Variants in NUGGC observed in about 807,000 individuals in gnomAD.
NUGGC encodes nuclear GTPase, germinal center associated.
NUGGC carries 58 observed loss-of-function variants against 92.6 expected under a neutral mutation model. That is an observed-to-expected ratio of 0.63 (90% CI 0.51 to 0.78). NUGGC has a LOEUF of 0.78. Among genes scored for constraint, NUGGC ranks in the 30% least tolerant of loss-of-function variants. NUGGC has a pLI of 0.00. For synonymous variants in NUGGC, 376 were observed against 366.4 expected (o/e 1.03, Z -0.30); for missense variants, 925 against 964.6 (o/e 0.96, Z 0.54).
chr8:28,076,324 A>C (rs551692206), intron 1 of NUGGC, among the ~76,000 whole-genome samples: 2 of 152,342 alleles, frequency 1.3e-5, no homozygotes, highest in Admixed American at 1.3e-4. Context: ...CTTGTGACAG[A>C]GTCTTGCTCT....
At chr8:28,026,329 C>A (rs1193401222) in intron 18 of NUGGC, among the ~76,000 whole-genome samples, 2 of 152,186 alleles carry the variant, frequency 1.3e-5, no homozygotes, top group Non-Finnish European at 2.9e-5. Flanking sequence ...CTAGAAATTA[C>A]TTAATTGCTG....
intron 1 of NUGGC, among the ~76,000 whole-genome samples, chr8:28,082,744 A>AT (rs913539156): frequency 2.4e-4 from 36 of 150,376 alleles, no homozygotes; most frequent in East Asian, 7.8e-4. Flanking sequence ...CATCTCTACA[A>AT]TTTTTTTTTT....
Position 28,078,392 on chromosome 8 carries a change from G to T in NUGGC, c.-46-3936C>A, listed in dbSNP as rs540487778. On this transcript the variant is annotated intron_variant, in intron 1 of 18. Coordinates refer to ENST00000413272, the MANE Select transcript of NUGGC (RefSeq NM_001010906.2). ...TAAAAAGGAAAAGCGATAAACAAAT[G>T]GGGGTAGTTTGGTACAGACATTCAG... Among the ~76,000 whole-genome samples the T allele has an allele frequency of 3.9e-5, 6 of 152,292 alleles. No individual in the cohort carries two copies. In the East Asian group the frequency reaches 1.2e-3, roughly 29 times the overall value.
chr8:28,050,349 C>T (rs1315361805), intron 10 of NUGGC, among the ~76,000 whole-genome samples: 1 of 149,726 alleles, frequency 6.7e-6, no homozygotes, highest in Non-Finnish European at 1.5e-5. Flanking sequence ...CGTGCCATTA[C>T]ATTCCAGCCT....
chr8:28,025,860 T>C (rs1295034666), intron 18 of NUGGC, among the ~76,000 whole-genome samples: 1 of 152,154 alleles, frequency 6.6e-6, no homozygotes, highest in Non-Finnish European at 1.5e-5. Flanking sequence ...GCACAAAATA[T>C]ACAGGGTGCA....
At position 28,068,312 on chromosome 8, in the gene NUGGC, T is replaced by C. The variant is rs1810498058; in HGVS notation, c.384A>G (p.Pro128=). 1.3e-6 allele frequency: 2 copies of C among 1,556,334 alleles called. No homozygotes were observed. Among genetic ancestry groups the C allele is most frequent in the East Asian group, 2.4e-5 (1 of 41,578 alleles). ...AAGTACATATGCTTTCTCCAGACACTGGTAGAAACATTGCTTGCTGGATGA... is the reference window on the plus strand; with the variant it reads ...AAGTACATATGCTTTCTCCAGACACCGGTAGAAACATTGCTTGCTGGATGA... ...NAIIQQAMFL[P]VSGESICTSC... The change falls in exon 5 of 19, where the codon CCA becomes CCG. Residue 128 remains proline (P), a synonymous_variant. Coordinates refer to ENST00000413272, the MANE Select transcript of NUGGC (RefSeq NM_001010906.2).
chr8:28,046,008 C>G (rs1420212239), intron 11 of NUGGC, among the ~76,000 whole-genome samples: 3 of 152,168 alleles, frequency 2.0e-5, no homozygotes, highest in African/African-American at 7.2e-5. Context: ...AGTCCCAGCC[C>G]TTCAGTCCCC....
intron 10 of NUGGC, among the ~76,000 whole-genome samples, chr8:28,048,079 GT>G (rs1809886689): frequency 6.6e-6 from 1 of 152,180 alleles, no homozygotes; most frequent in South Asian, 2.1e-4. Context: ...TGTTGGGACT[GT>G]TTCAGTCCTG....
At chr8:28,077,903 C>T (rs1454059403) in intron 1 of NUGGC, among the ~76,000 whole-genome samples, 1 of 152,130 alleles carries the variant, frequency 6.6e-6, no homozygotes, top group African/African-American at 2.4e-5. Flanking sequence ...TTAAAGGGCA[C>T]AAAATCAAAG....
intron 16 of NUGGC, among the ~76,000 whole-genome samples, 186 bp downstream of exon 16, chr8:28,030,124 T>A (rs1002684208): frequency 2.6e-5 from 4 of 152,176 alleles, no homozygotes; most frequent in African/African-American, 9.7e-5. Context: ...CAGAAAGAGC[T>A]GGAAAACACA....
Position 28,068,338 on chromosome 8 carries a change from T to C in NUGGC, c.358A>G (p.Ile120Val), listed in dbSNP as rs776725581. The C allele has an allele frequency of 6.4e-6, 10 of 1,569,494 alleles. No homozygotes were observed. The highest frequency in any genetic ancestry group is 1.2e-5 in the South Asian group (1 of 85,048). ...GAGKSSLINA[I>V]IQQAMFLPVS... ...GGTAGAAACATTGCTTGCTGGATGATGGCATTGATCAGGGAGCTCTTCCCA... is the reference window on the plus strand; with the variant it reads ...GGTAGAAACATTGCTTGCTGGATGACGGCATTGATCAGGGAGCTCTTCCCA... The change falls in exon 5 of 19, where the codon ATC becomes GTC. Residue 120 changes from isoleucine (I) to valine (V), a missense_variant. Physicochemically the swap from Ile to Val is conservative, Grantham distance 29 (BLOSUM62 3). Transcript: ENST00000413272.
In NUGGC at chr8:28,058,291, G is replaced by GA; in HGVS notation, c.1098-16dup. ...CCTTTCTTTCCCTGAAATGAAATTA[G>GA]AAAAATGTAACAATTACTTAATTTT... On this transcript the variant is annotated splice_polypyrimidine_tract_variant and intron_variant, in intron 8 of 18. Transcript: ENST00000413272. The GA allele has an allele frequency of 1.9e-6, 1 of 520,168 alleles. No homozygotes were observed. The highest frequency in any genetic ancestry group is 3.0e-6 in the Non-Finnish European group (1 of 334,212). The allele number at this position is 520,168 out of a possible 1,614,324, so 32.2% of individuals were successfully genotyped here. A position where few individuals can be genotyped will look rare whatever the true frequency, so the allele number is the denominator to read the frequency against.
Position 28,029,333 on chromosome 8 carries a change from C to T in NUGGC, c.2087G>A (p.Arg696Gln), listed in dbSNP as rs377099582. ...TTCAAACATGCCCTCAGCCACCTGC[C>T]GGTCCACTCCTCTTCTGATGGCATC... is the stretch of plus-strand genomic sequence containing the variant. ...MKDAIRRGVD[R>Q]QVAEGMFERA... The change falls in exon 17 of 19, where the codon CGG (arginine) becomes CAG (glutamine). Residue 696 changes from arginine (R) to glutamine (Q), a missense_variant. Arg to Gln is a conservative substitution (Grantham distance 43). Transcript: ENST00000413272. 103 of 1,611,308 alleles carry T rather than the reference C, an allele frequency of 6.4e-5. No homozygotes were observed. Among genetic ancestry groups the T allele is most frequent in the Admixed American group, 4.4e-4 (26 of 59,750 alleles).
rs779761311 is a variant in NUGGC, at chr8:28,033,620, A to G, written c.1689T>C (p.Thr563=). The G allele has an allele frequency of 1.2e-6, 2 of 1,614,016 alleles. No individual in the cohort carries two copies. The highest frequency in any genetic ancestry group is 1.1e-5 in the South Asian group (1 of 91,080). ...CTTCATTTAGATCAATTCTCGCCAG[A>G]GTCCTGGAGGCATAGATGCCATTTT... ...CLKNGIYASR[T]LARIDLNEAL... is the part of the protein sequence containing the mutation. Residue 563 remains threonine, a synonymous_variant, in exon 14 of 19, where the codon ACT becomes ACC. Coordinates refer to ENST00000413272, the MANE Select transcript of NUGGC (RefSeq NM_001010906.2).
At chr8:28,064,277 G>A (rs1810381231) in intron 7 of NUGGC, among the ~76,000 whole-genome samples, 1 of 152,150 alleles carries the variant, frequency 6.6e-6, no homozygotes, top group Admixed American at 6.5e-5. Context: ...TCTATTGCTG[G>A]TCTTTCTCAT....
chr8:28,060,318 GA>G, intron 8 of NUGGC, 107 bp downstream of exon 8: 2 of 1,079,232 alleles, frequency 1.9e-6, no homozygotes, highest in Non-Finnish European at 2.8e-6. Context: ...ATCACTTCCT[GA>G]AGCCCTCTAA....
At chr8:28,080,090 T>C (rs1435625903) in intron 1 of NUGGC, among the ~76,000 whole-genome samples, 1 of 152,108 alleles carries the variant, frequency 6.6e-6, no homozygotes. Flanking sequence ...TACAGGCACC[T>C]GCCACCATGC....
Position 28,026,944 on chromosome 8 carries a change from AAGC to A in NUGGC, c.2245+15_2245+17del, listed in dbSNP as rs761707752. The A allele has an allele frequency of 1.3e-6, 2 of 1,562,868 alleles. No individual in the cohort carries two copies. Among genetic ancestry groups the A allele is most frequent in the South Asian group, 2.2e-5 (2 of 90,062 alleles). ...TGTCTGCACAATCACCCTGTATACA[AAGC>A]TTTGGCGTATTTACCTGCAAGCTCC... On this transcript the variant is annotated intron_variant, in intron 18 of 18. Transcript: ENST00000413272.
chr8:28,029,501 C>T lies in NUGGC; in HGVS notation c.2018-99G>A, dbSNP rs532910727. On this transcript the variant is annotated intron_variant, in intron 16 of 18. Transcript: ENST00000413272. ...TGGTGGCTCACACCTGTAATCCCAG[C>T]GCTTTGGGAGGCTGAAGTGGGCAGA... is the stretch of plus-strand genomic sequence containing the variant. The T allele has an allele frequency of 7.2e-5, 100 of 1,391,642 alleles. No homozygotes were observed. In the South Asian group the frequency reaches 7.7e-4, roughly 11 times the overall value. 86.2% of individuals were successfully genotyped at this position (1,391,642 alleles called of 1,614,324 possible).
Sources: gnomAD v4.1 joint callset for allele counts (sites outside exome capture counted in the v4.1 genomes callset) on GRCh38, gnomAD v4.1.1 for gene constraint, MANE v1.5 for transcripts, NCBI Gene and HGNC (gene_info 2026-07-23, HGNC 2026-07-21) for gene names.